The following ERO1B variants were observed in gnomAD, a reference collection of about 807,000 sequenced individuals.
The protein encoded by ERO1B is endoplasmic reticulum oxidoreductase 1 beta.
ERO1B carries 49 observed loss-of-function variants against 75.3 expected under a neutral mutation model. That is an observed-to-expected ratio of 0.65 (90% confidence interval 0.52 to 0.83). The LOEUF is 0.83. Ranked by LOEUF, ERO1B falls within the 40% of genes least tolerant of loss-of-function variation. ERO1B has a pLI of 0.00. For missense variants in ERO1B, 512 were observed against 560.1 expected (o/e 0.91, Z 0.87); for synonymous variants, 191 against 192.9 (o/e 0.99, Z 0.08).
intron 15 of ERO1B, among the ~76,000 whole-genome samples, chr1:236,219,915 T>C (rs953131405): frequency 2.0e-5 from 3 of 151,604 alleles, no homozygotes; most frequent in African/African-American, 7.3e-5. Context: ...TCCCAGCTAC[T>C]TGGGAAGCTC....
chr1:236,245,277 G>A (rs1473687099), intron 5 of ERO1B, among the ~76,000 whole-genome samples: 1 of 133,382 alleles, frequency 7.5e-6, no homozygotes, highest in Non-Finnish European at 1.6e-5. Flanking sequence ...GTACAGGTGT[G>A]AGTCACCATG....
chr1:236,218,391 T>C lies in ERO1B; in HGVS notation c.*125A>G. On this transcript the variant is annotated 3_prime_UTR_variant, in exon 16 of 16. Coordinates refer to ENST00000354619, the MANE Select transcript of ERO1B (RefSeq NM_019891.4). ...GAATCATAAATATTCAAGTGAGCAT[T>C]TAAATTTTCTATTTAATAGTTCAGA... 1 of 856,970 alleles carries C rather than the reference T, an allele frequency of 1.2e-6. No homozygotes were observed. Among genetic ancestry groups the C allele is most frequent in the Non-Finnish European group, 1.5e-6 (1 of 646,954 alleles). 53.1% of individuals were successfully genotyped at this position (856,970 alleles called of 1,614,324 possible).
At chr1:236,225,029 A>C in intron 13 of ERO1B, 41 bp downstream of exon 13, 4 of 1,582,338 alleles carry the variant, frequency 2.5e-6, no homozygotes, top group Non-Finnish European at 3.5e-6. Context: ...CATAACCAGC[A>C]AACTGCTCCC....
chr1:236,218,344 CTAGT>C lies in ERO1B; in HGVS notation c.*168_*171del, dbSNP rs1664049171. 4.9e-6 allele frequency: 2 copies of C among 410,772 alleles called. No homozygotes were observed. The highest frequency in any genetic ancestry group is 7.6e-6 in the Non-Finnish European group (2 of 263,170). The allele number at this position is 410,772 out of a possible 1,614,324, so 25.4% of individuals were successfully genotyped here. On this transcript the variant is annotated 3_prime_UTR_variant, in exon 16 of 16. Transcript: ENST00000354619. The stretch of plus-strand genomic sequence containing the variant: ...GTATATACTTCATTTATAAATATCT[CTAGT>C]TGATAATAATCTATTAAGAATCATA...
chr1:236,259,007 G>T (rs369638324), intron 2 of ERO1B, among the ~76,000 whole-genome samples: 14 of 152,136 alleles, frequency 9.2e-5, no homozygotes, highest in African/African-American at 2.7e-4. Context: ...TATCTAATAG[G>T]AAAGTTAAAA....
chr1:236,220,028 TAAAAAAAAAAAAA>T (rs749126308), intron 15 of ERO1B: 2 of 33,970 alleles, frequency 5.9e-5, no homozygotes, highest in Non-Finnish European at 1.1e-4. Flanking sequence ...TCATCTCTTT[TAAAAAAAAAAAAA>T]AAAAAAAAAA....
intron 2 of ERO1B, 25 bp downstream of exon 2, chr1:236,269,850 A>G (rs779656987): frequency 6.4e-7 from 1 of 1,555,828 alleles, no homozygotes; most frequent in South Asian, 1.1e-5. Context: ...TTTGATATCA[A>G]CAGAATAAAA....
Position 236,249,964 on chromosome 1 carries a change from A to C in ERO1B, c.352T>G (p.Leu118Val), listed in dbSNP as rs1664976653. 2 of 1,595,100 alleles carry C rather than the reference A, an allele frequency of 1.3e-6. No individual in the cohort carries two copies. The highest frequency in any genetic ancestry group is 3.5e-5 in the Admixed American group (2 of 57,300). The change falls in exon 5 of 16, where the codon TTG becomes GTG. Residue 118 changes from leucine (L) to valine (V), a missense_variant. Leu to Val is a conservative substitution (Grantham distance 32). Coordinates refer to ENST00000354619, the MANE Select transcript of ERO1B (RefSeq NM_019891.4). ...GIKAGHSNKY[L>V]KMANNTKELE... is the part of the protein sequence containing the mutation. Reference sequence around the variant, plus strand: ...TCTTTGGTATTGTTTGCCATTTTCAAGTACTGCAAAGAAGTTCGTAAGTTT... The same window carrying C: ...TCTTTGGTATTGTTTGCCATTTTCACGTACTGCAAAGAAGTTCGTAAGTTT...
intron 5 of ERO1B, among the ~76,000 whole-genome samples, chr1:236,248,354 G>A (rs1467889518): frequency 6.6e-6 from 1 of 152,082 alleles, no homozygotes; most frequent in African/African-American, 2.4e-5. Context: ...TTCACACCAA[G>A]TACTATGGAA....
At position 236,279,217 on chromosome 1, in the gene ERO1B, A is replaced by C. The variant is rs545796188; in HGVS notation, c.102+2465T>G. On this transcript the variant is annotated intron_variant, in intron 1 of 15. Coordinates refer to ENST00000354619, the MANE Select transcript of ERO1B (RefSeq NM_019891.4). Reference sequence around the variant, plus strand: ...AGATTAAAGTACTATCTAAAAGATGATCAGGCCAGGCACGGTGGCTCACGC... The same window carrying C: ...AGATTAAAGTACTATCTAAAAGATGCTCAGGCCAGGCACGGTGGCTCACGC... Among the ~76,000 whole-genome samples, 5 of 152,324 alleles carry C rather than the reference A, an allele frequency of 3.3e-5. No homozygotes were observed. The East Asian group carries it at 9.6e-4, about 29-fold the overall frequency.
Position 236,243,453 on chromosome 1 carries a change from A to T in ERO1B, c.474T>A (p.Asp158Glu). 1 of 1,605,692 alleles carries T rather than the reference A, an allele frequency of 6.2e-7. No individual in the cohort carries two copies. Among genetic ancestry groups the T allele is most frequent in the Non-Finnish European group, 8.5e-7 (1 of 1,175,586 alleles). ...KEAFIDWARY[D>E]DSRDHFCELD... is the part of the protein sequence containing the mutation. ...GTTCACAAAAGTGATCCCGTGAATC[A>T]TCATATCTTGCCCAGTCAATGAAAG... The change falls in exon 6 of 16, where the codon GAT becomes GAA. Residue 158 changes from aspartate to glutamate, a missense_variant. Physicochemically the swap from Asp to Glu is conservative, Grantham distance 45. Transcript: ENST00000354619.
intron 6 of ERO1B, among the ~76,000 whole-genome samples, chr1:236,238,671 A>G (rs1361531899): frequency 1.3e-5 from 2 of 151,690 alleles, no homozygotes; most frequent in African/African-American, 2.4e-5. Flanking sequence ...ACTGAATTAT[A>G]TATAAGCTTC....
chr1:236,226,311 G>C lies in ERO1B; in HGVS notation c.1010C>G (p.Ala337Gly). Residue 337 changes from alanine to glycine, a missense_variant, in exon 12 of 16, where the codon GCT becomes GGT. Physicochemically the swap from Ala to Gly is moderately conservative, Grantham distance 60 (BLOSUM62 0). Coordinates refer to ENST00000354619, the MANE Select transcript of ERO1B (RefSeq NM_019891.4). ...ATTCAGTAGAAGAGTTTTTGTGTCA[G>C]CATCTTCTTCTGCATTTCCAGTGTA... is the stretch of plus-strand genomic sequence containing the variant. ...DLYTGNAEEDADTKTLLLNIF... is the reference protein window; with the variant it reads ...DLYTGNAEEDGDTKTLLLNIF... The C allele has an allele frequency of 6.2e-7, 1 of 1,613,870 alleles. No individual in the cohort carries two copies. Among genetic ancestry groups the C allele is most frequent in the Non-Finnish European group, 8.5e-7 (1 of 1,179,836 alleles).
chr1:236,277,036 T>C (rs1478213431), intron 1 of ERO1B, among the ~76,000 whole-genome samples: 1 of 152,176 alleles, frequency 6.6e-6, no homozygotes, highest in East Asian at 1.9e-4. Flanking sequence ...CCATGCTTCC[T>C]GTACAGCTGT....
intron 10 of ERO1B, among the ~76,000 whole-genome samples, chr1:236,227,754 CTCTT>C (rs1237662984): frequency 6.6e-6 from 1 of 152,132 alleles, no homozygotes; most frequent in Non-Finnish European, 1.5e-5. Context: ...AATTCACTCT[CTCTT>C]TCTGTCCTAT....
Position 236,226,378 on chromosome 1 carries a change from A to C in ERO1B, c.943T>G (p.Ser315Ala), listed in dbSNP as rs762292679. 1.9e-6 allele frequency: 3 copies of C among 1,614,096 alleles called. No individual in the cohort carries two copies. The South Asian group carries it at 3.3e-5, about 18-fold the overall frequency. The change falls in exon 12 of 16, where the codon TCA (serine) becomes GCA (alanine). Residue 315 changes from serine (S) to alanine (A), a missense_variant. Ser to Ala is a moderately conservative substitution (Grantham distance 99, BLOSUM62 1). Transcript: ENST00000354619. ...FLYLIELRAL[S>A]KVAPYFERSI... is the part of the protein sequence containing the mutation. ...CGCTCAAAATATGGAGCCACCTTTG[A>C]CAAAGCTCGAAGCTCAATCAAGTAT... is the stretch of plus-strand genomic sequence containing the variant.
chr1:236,240,779 A>C (rs746564695), intron 6 of ERO1B, among the ~76,000 whole-genome samples: 3 of 151,478 alleles, frequency 2.0e-5, no homozygotes, highest in Non-Finnish European at 4.4e-5. Context: ...TAGCTGGGGA[A>C]GACTGACAAG....
chr1:236,224,871 G>T (rs1310577601), intron 13 of ERO1B, among the ~76,000 whole-genome samples, 199 bp downstream of exon 13: 1 of 152,136 alleles, frequency 6.6e-6, no homozygotes, highest in African/African-American at 2.4e-5. Flanking sequence ...ACATACTAAT[G>T]ACCAATGATT....
intron 5 of ERO1B, among the ~76,000 whole-genome samples, chr1:236,248,878 TTGGAA>T (rs1664948081): frequency 6.6e-6 from 1 of 152,138 alleles, no homozygotes; most frequent in Non-Finnish European, 1.5e-5. Context: ...ATTTATTTAC[TTGGAA>T]TGGAGGATTA....
Sources: allele counts gnomAD v4.1 joint callset (sites outside exome capture counted in the v4.1 genomes callset), GRCh38; gene constraint gnomAD v4.1.1; transcripts MANE v1.5; gene names NCBI Gene and HGNC (gene_info 2026-07-23, HGNC 2026-07-21).